The following PIK3CB variants were observed in gnomAD, a reference collection of about 807,000 sequenced individuals.
PIK3CB encodes phosphatidylinositol 4,5-bisphosphate 3-kinase catalytic subunit beta isoform.
PIK3CB carries 39 observed loss-of-function variants against 136.8 expected under a neutral mutation model. The ratio of observed to expected loss-of-function variants is 0.29; its 90% CI spans 0.22 to 0.37. PIK3CB has a LOEUF of 0.37. Among genes scored for constraint, PIK3CB ranks in the 10% least tolerant of loss-of-function variants. The pLI, the probability that PIK3CB is intolerant of heterozygous loss-of-function variation, is 1.00. For missense variants in PIK3CB, 868 were observed against 1,275.4 expected (o/e 0.68, Z 4.87); for synonymous variants, 428 against 436.6 (o/e 0.98, Z 0.25).
At chr3:138,829,093 T>C (rs1559895079) in intron 1 of PIK3CB, among the ~76,000 whole-genome samples, 1 of 151,758 alleles carries the variant, frequency 6.6e-6, no homozygotes, top group Admixed American at 6.6e-5. Context: ...TGAGCCTCCG[T>C]GTCCGGCCAA....
intron 1 of PIK3CB, among the ~76,000 whole-genome samples, chr3:138,800,354 C>CA: frequency 6.7e-6 from 1 of 149,486 alleles, no homozygotes. Context: ...TTTTTTTAAA[C>CA]AGAGTCTTTG....
intron 19 of PIK3CB, among the ~76,000 whole-genome samples, chr3:138,665,453 A>G (rs574489133): frequency 1.3e-5 from 2 of 152,244 alleles, no homozygotes; most frequent in Admixed American, 1.3e-4. Context: ...TATTCTGGTG[A>G]AACATTCTAT....
chr3:138,657,894 G>A, intron 21 of PIK3CB, 59 bp from the exon 22 acceptor site: 1 of 1,531,882 alleles, frequency 6.5e-7, no homozygotes, highest in East Asian at 2.2e-5. Context: ...AAATATAAAG[G>A]CAAAACCTCC....
chr3:138,826,065 TG>T, intron 1 of PIK3CB: 1 of 1,183,754 alleles, frequency 8.4e-7, no homozygotes, highest in Non-Finnish European at 1.2e-6. Flanking sequence ...TTTGCTGACC[TG>T]AAGGAAAAAG....
chr3:138,669,221 G>A (rs1038692395), intron 19 of PIK3CB, among the ~76,000 whole-genome samples: 41 of 150,416 alleles, frequency 2.7e-4, no homozygotes, highest in African/African-American at 1.0e-3. Context: ...AGACCAGCCT[G>A]GGCAACATGG....
intron 5 of PIK3CB, among the ~76,000 whole-genome samples, chr3:138,739,035 C>T (rs149439749): frequency 2.0e-5 from 3 of 152,172 alleles, no homozygotes; most frequent in African/African-American, 7.2e-5. Flanking sequence ...TCTCCCCTGG[C>T]GAATTCATAT....
intron 5 of PIK3CB, among the ~76,000 whole-genome samples, chr3:138,740,486 C>T (rs2045221436): frequency 6.6e-6 from 1 of 152,186 alleles, no homozygotes; most frequent in Non-Finnish European, 1.5e-5. Flanking sequence ...GTGTCACACA[C>T]ATCAAAGAAC....
intron 2 of PIK3CB, among the ~76,000 whole-genome samples, chr3:138,794,501 C>T (rs899681351): frequency 1.3e-5 from 2 of 152,088 alleles, no homozygotes; most frequent in Non-Finnish European, 2.9e-5. Context: ...GCTAGCATAA[C>T]CTTTTAGGTG....
rs548988707 is a variant in PIK3CB at position 138,726,057 on chromosome 3, G to A, written c.1050+7304C>T. Among the ~76,000 whole-genome samples, 9 of 152,278 alleles carry A rather than the reference G, an allele frequency of 5.9e-5. No individual in the cohort carries two copies. The South Asian group carries it at 8.3e-4, about 14-fold the overall frequency. The stretch of plus-strand genomic sequence containing the variant: ...TGAGCCTTCTGTGAGCTACAGTTCC[G>A]ATACCAGTTCAGTTTTCAAGTCTTC... On this transcript the variant is annotated intron_variant, in intron 8 of 23. Coordinates refer to ENST00000674063, the MANE Select transcript of PIK3CB (RefSeq NM_006219.3).
In PIK3CB at chr3:138,738,984, T is replaced by C. The variant is rs1355356065; in HGVS notation, c.622-1098A>G. Among the ~76,000 whole-genome samples the C allele has an allele frequency of 2.6e-5, 4 of 152,214 alleles. No individual in the cohort carries two copies. In the East Asian group the frequency reaches 7.7e-4, roughly 29 times the overall value. On this transcript the variant is annotated intron_variant, in intron 5 of 23. Coordinates refer to ENST00000674063, the MANE Select transcript of PIK3CB (RefSeq NM_006219.3). Reference sequence around the variant, plus strand: ...CCAGTATTTTACTTGTTCTTCTGTGTTTTCTATGAGTTGGTGCCTGCCATA... The same window carrying C: ...CCAGTATTTTACTTGTTCTTCTGTGCTTTCTATGAGTTGGTGCCTGCCATA...
At chr3:138,785,697 G>C (rs1447121605) in intron 2 of PIK3CB, among the ~76,000 whole-genome samples, 1 of 151,860 alleles carries the variant, frequency 6.6e-6, no homozygotes, top group Non-Finnish European at 1.5e-5. Flanking sequence ...AGCAGGCAGG[G>C]CCCTCTGCCT....
At chr3:138,741,691 G>C (rs1447578226) in intron 5 of PIK3CB, among the ~76,000 whole-genome samples, 1 of 152,124 alleles carries the variant, frequency 6.6e-6, no homozygotes, top group African/African-American at 2.4e-5. Flanking sequence ...AGCCAGGTGT[G>C]ATGGCAGGCG....
intron 8 of PIK3CB, among the ~76,000 whole-genome samples, chr3:138,731,664 T>C (rs2044976479): frequency 6.6e-6 from 1 of 152,036 alleles, no homozygotes; most frequent in South Asian, 2.1e-4. Context: ...AAACAGAGGT[T>C]AACCGGCCAT....
chr3:138,806,319 C>G (rs2046234138), intron 1 of PIK3CB, among the ~76,000 whole-genome samples: 1 of 151,970 alleles, frequency 6.6e-6, no homozygotes, highest in African/African-American at 2.4e-5. Context: ...AACCTCGTCT[C>G]AACTAAAAAT....
Position 138,805,452 on chromosome 3 carries a change from C to T in PIK3CB, c.-121-8885G>A, listed in dbSNP as rs543238793. ...TTGGGAGGCCGAGGTCGGCAGATCA[C>T]GAGGTCAGGAGATTGAGACCATCCT... On this transcript the variant is annotated intron_variant, in intron 1 of 23. Transcript: ENST00000674063. 4.6e-5 allele frequency among the ~76,000 whole-genome samples: 7 copies of T among 151,938 alleles called. 1 individual carries two copies. In the South Asian group the frequency reaches 6.2e-4, roughly 14 times the overall value.
chr3:138,667,679 A>G (rs1020073584), intron 19 of PIK3CB, among the ~76,000 whole-genome samples: 12 of 150,638 alleles, frequency 8.0e-5, no homozygotes, highest in African/African-American at 2.9e-4. Flanking sequence ...ATCCTGCCTC[A>G]GCCTCCCGAG....
In PIK3CB at chr3:138,775,701, C is replaced by T. The variant is rs554906785; in HGVS notation, c.-16-16342G>A. ...TGACCTGTGCATAATGGGATGAGTA[C>T]TGGGAGTTACATGGTTTGGAATATA... On this transcript the variant is annotated intron_variant, in intron 2 of 23. Coordinates refer to ENST00000674063, the MANE Select transcript of PIK3CB (RefSeq NM_006219.3). Among the ~76,000 whole-genome samples, 35 of 152,228 alleles carry T rather than the reference C, an allele frequency of 2.3e-4. 1 individual carries two copies. Among genetic ancestry groups the T allele is most frequent in the Admixed American group, 2.2e-3 (33 of 15,276 alleles).
intron 4 of PIK3CB, among the ~76,000 whole-genome samples, chr3:138,744,392 CAAAAAAAAAAA>C (rs60503033): frequency 7.3e-4 from 33 of 45,108 alleles, no homozygotes; most frequent in Admixed American, 3.0e-3. Context: ...GAGACTCCCC[CAAAAAAAAAAA>C]AAAAAAAAAA....
At chr3:138,693,993 T>TATATATATATATA (rs1559819951) in intron 14 of PIK3CB, among the ~76,000 whole-genome samples, 3 of 120,142 alleles carry the variant, frequency 2.5e-5, no homozygotes, top group Admixed American at 8.9e-5. Flanking sequence ...TATATATATA[T>TATATATATATATA]TTTAAACCCA....
Sources: gnomAD v4.1 joint callset for allele counts (sites outside exome capture counted in the v4.1 genomes callset) on GRCh38, gnomAD v4.1.1 for gene constraint, MANE v1.5 for transcripts, NCBI Gene and HGNC (gene_info 2026-07-23, HGNC 2026-07-21) for gene names.